The following RASSF1 variants were observed in gnomAD, a reference collection of about 807,000 sequenced individuals.
The protein encoded by RASSF1 is Ras association domain family member 1.
A neutral mutation model predicts 34.3 loss-of-function variants in RASSF1; 33 were observed. The ratio of observed to expected loss-of-function variants is 0.96; its 90% CI spans 0.73 to 1.29. The LOEUF (loss-of-function observed/expected upper bound fraction) is 1.29. Ranked by LOEUF, RASSF1 falls within the 50% of genes most tolerant of loss-of-function variation. The pLI is 0.00. For synonymous variants in RASSF1, 191 were observed against 195.0 expected (o/e 0.98, Z 0.17); for missense variants, 445 against 471.8 (o/e 0.94, Z 0.53).
In RASSF1 at chr3:50,339,116, C is replaced by T. The variant is rs114637632; in HGVS notation, c.251-1105G>A. ...TACCTTCACTAGGATGTCTAAAAGA[C>T]GTTTCAAGTGAACATGGCCAAAATT... On this transcript the variant is annotated intron_variant, in intron 1 of 5. Transcript: ENST00000359365. Among the ~76,000 whole-genome samples, 416 of 152,318 alleles carry T rather than the reference C, an allele frequency of 2.7e-3. 2 individuals are homozygous for T. The highest frequency in any genetic ancestry group is 4.3e-3 in the Admixed American group (66 of 15,296).
rs1703320776 is a variant in RASSF1, at chr3:50,340,425, GGC to G, written c.250+129_250+130del. ...ATTTTCGCGCACTCTTCAGCGATGG[GGC>G]GAAAGTAACGGACCTAGTCCTCGGG... On this transcript the variant is annotated intron_variant, in intron 1 of 5. Transcript: ENST00000359365. 8.0e-6 allele frequency: 10 copies of G among 1,247,028 alleles called. No homozygotes were observed. The South Asian group carries it at 1.8e-4, about 22-fold the overall frequency. The allele number at this position is 1,247,028 out of a possible 1,614,324, so 77.2% of individuals were successfully genotyped here.
At chr3:50,337,710 A>AG (rs1306765816) in intron 2 of RASSF1, 195 bp downstream of exon 2, 2 of 834,070 alleles carry the variant, frequency 2.4e-6, no homozygotes, top group African/African-American at 3.5e-5. Flanking sequence ...GTCCGCTTGC[A>AG]GCGGGTGGAG....
In RASSF1 at chr3:50,332,068, G is replaced by A. The variant is rs938449958; in HGVS notation, c.444C>T (p.Ser148=). The A allele has an allele frequency of 1.2e-6, 2 of 1,614,144 alleles. No homozygotes were observed. Among genetic ancestry groups the A allele is most frequent in the Non-Finnish European group, 8.5e-7 (1 of 1,180,018 alleles). Residue 148 remains serine, a synonymous_variant, in exon 3 of 6, where the codon AGC becomes AGT. Coordinates refer to ENST00000359365, the MANE Select transcript of RASSF1 (RefSeq NM_007182.5). ...AACTCACCAAGCTCATGAAGAGGTT[G>A]CTGTTGATCTGGGCATTGTACTCCT... ...KIKEYNAQIN[S]NLFMSLNKDG... is the part of the protein sequence containing the mutation.
intron 2 of RASSF1, chr3:50,337,417 C>A: frequency 6.3e-7 from 1 of 1,581,924 alleles, no homozygotes. Flanking sequence ...TGCGCGTGCG[C>A]CCGGGCCAGA....
Position 50,331,431 on chromosome 3 carries a change from A to G in RASSF1, c.779T>C (p.Leu260Ser). ...RHGQVYLRKLLDDEQPLRLRL... is the reference protein window; with the variant it reads ...RHGQVYLRKLSDDEQPLRLRL... ...CAGCCGCAGGGGCTGCTCATCATCC[A>G]ACAGCTTCCGCAAGTACACTGTGAA... is the stretch of plus-strand genomic sequence containing the variant. Residue 260 changes from leucine (L) to serine (S), a missense_variant, in exon 5 of 6, where the codon TTG becomes TCG. Coordinates refer to ENST00000359365, the MANE Select transcript of RASSF1 (RefSeq NM_007182.5). 1 of 1,600,304 alleles carries G rather than the reference A, an allele frequency of 6.2e-7. No individual in the cohort carries two copies. The highest frequency in any genetic ancestry group is 8.5e-7 in the Non-Finnish European group (1 of 1,171,406).
At chr3:50,338,063 C>G (rs952840010) in intron 1 of RASSF1, 52 bp from the exon 2 acceptor site, 1 of 1,541,292 alleles carries the variant, frequency 6.5e-7, no homozygotes, top group East Asian at 2.4e-5. Flanking sequence ...GGGGAAATGT[C>G]CCGGAGATTG....
chr3:50,337,642 G>A, intron 2 of RASSF1: 1 of 987,744 alleles, frequency 1.0e-6, no homozygotes, highest in Non-Finnish European at 1.5e-6. Context: ...GGCCGGAGGC[G>A]AGGGCGGGAA....
chr3:50,334,755 G>A (rs919527600), intron 2 of RASSF1, among the ~76,000 whole-genome samples: 1 of 152,162 alleles, frequency 6.6e-6, no homozygotes, highest in Non-Finnish European at 1.5e-5. Context: ...TCTTCACTCA[G>A]AAAACAGACT....
At chr3:50,338,963 A>T (rs1446025863) in intron 1 of RASSF1, among the ~76,000 whole-genome samples, 1 of 152,160 alleles carries the variant, frequency 6.6e-6, no homozygotes, top group African/African-American at 2.4e-5. Flanking sequence ...ATTCTGACTC[A>T]ACTTCCATAT....
chr3:50,337,397 C>T, intron 2 of RASSF1: 2 of 1,590,318 alleles, frequency 1.3e-6, no homozygotes, highest in Non-Finnish European at 1.7e-6. Flanking sequence ...TGCGTGTACG[C>T]GTGTCAGTGT....
In RASSF1 at chr3:50,330,697, T is replaced by C; in HGVS notation, c.907A>G (p.Asn303Asp). Reference protein sequence around the residue: ...WDAFSMPELHNFLRILQREEE... With the variant: ...WDAFSMPELHDFLRILQREEE... ...TCCCGCTGCAGGATACGTAGGAAGT[T>C]ATGTAGTTCAGGCATGCTGAAGGCG... The change falls in exon 6 of 6, where the codon AAC becomes GAC. Residue 303 changes from asparagine (N) to aspartate (D), a missense_variant. Transcript: ENST00000359365. The surrounding 1 kb of genome is among the most constrained non-coding windows in gnomAD (Gnocchi z 4.5). 1 of 1,614,022 alleles carries C rather than the reference T, an allele frequency of 6.2e-7. No individual in the cohort carries two copies. The highest frequency in any genetic ancestry group is 1.7e-5 in the Admixed American group (1 of 60,016).
At chr3:50,335,990 C>T (rs1481115966) in intron 2 of RASSF1, among the ~76,000 whole-genome samples, 1 of 152,148 alleles carries the variant, frequency 6.6e-6, no homozygotes, top group Non-Finnish European at 1.5e-5. Context: ...GCAACCTCTG[C>T]CTCCCAGGTT....
rs117344582 is a variant in RASSF1 at position 50,338,991 on chromosome 3, G to A, written c.251-980C>T. ...TTCCATATCTCACGATGAAGTCTGG[G>A]CTCAGTCCTGATCACTGGCCTGGTC... On this transcript the variant is annotated intron_variant, in intron 1 of 5. Transcript: ENST00000359365. Among the ~76,000 whole-genome samples the A allele has an allele frequency of 9.4e-4, 143 of 152,262 alleles. 1 individual carries two copies. The East Asian group carries it at 0.027, about 29-fold the overall frequency.
intron 2 of RASSF1, chr3:50,337,393 T>TACGCGTGTCAGTGTGCGC: frequency 1.3e-6 from 2 of 1,592,284 alleles, no homozygotes; most frequent in Non-Finnish European, 1.7e-6. Flanking sequence ...TGCGTGCGTG[T>TACGCGTGTCAGTGTGCGC]ACGCGTGTCA....
chr3:50,339,471 T>C (rs978523076), intron 1 of RASSF1, among the ~76,000 whole-genome samples: 1 of 148,904 alleles, frequency 6.7e-6, no homozygotes, highest in Non-Finnish European at 1.5e-5. Context: ...GTTCAAGCAA[T>C]TCTCCCACCT....
At chr3:50,339,614 C>T (rs941339294) in intron 1 of RASSF1, among the ~76,000 whole-genome samples, 2 of 152,060 alleles carry the variant, frequency 1.3e-5, no homozygotes, top group Non-Finnish European at 2.9e-5. Flanking sequence ...GGTGATCCAC[C>T]CGCCTCCGCC....
chr3:50,336,726 T>G (rs1471916116), intron 2 of RASSF1: 2 of 173,216 alleles, frequency 1.2e-5, no homozygotes, highest in South Asian at 2.4e-4. Context: ...AGGAGCAGGA[T>G]CTCTCTCTGC....
chr3:50,331,196 A>T, intron 5 of RASSF1, 138 bp downstream of exon 5: 1 of 660,086 alleles, frequency 1.5e-6, no homozygotes, highest in Non-Finnish European at 2.4e-6. Context: ...CCTTTGCTTT[A>T]GTTACAATGC....
chr3:50,337,503 G>A, intron 2 of RASSF1: 2 of 1,531,206 alleles, frequency 1.3e-6, no homozygotes, highest in East Asian at 4.9e-5. Flanking sequence ...AGGAACGCCG[G>A]GGCGGGGACA....
Sources: gnomAD v4.1 joint callset for allele counts (sites outside exome capture counted in the v4.1 genomes callset) on GRCh38, gnomAD v4.1.1 for gene constraint, Gnocchi (gnomAD v3.1) non-coding constraint, MANE v1.5 for transcripts, NCBI Gene and HGNC (gene_info 2026-07-23, HGNC 2026-07-21) for gene names.